The following SMYD3 variants were observed in gnomAD, a reference collection of about 807,000 sequenced individuals.
SMYD3 encodes the protein SET and MYND domain containing 3.
A neutral mutation model predicts 57.7 loss-of-function variants in SMYD3; 36 were observed. That is an observed-to-expected ratio of 0.62 (90% confidence interval 0.48 to 0.82). The LOEUF (loss-of-function observed/expected upper bound fraction) is 0.82, where lower values mean the gene tolerates loss of function less well. SMYD3 is among the 40% of genes least tolerant of loss of function. The pLI is 0.00. For missense variants in SMYD3, 515 were observed against 538.8 expected (o/e 0.96, Z 0.44); for synonymous variants, 211 against 195.0 (o/e 1.08, Z -0.68).
intron 8 of SMYD3, among the ~76,000 whole-genome samples, chr1:245,904,171 G>C (rs1558477786): frequency 6.6e-6 from 1 of 152,166 alleles, no homozygotes. Flanking sequence ...GGTGGGAGGT[G>C]ATTGGATCAT....
rs192153512 is a variant in SMYD3 at position 245,945,975 on chromosome 1, G to A, written c.532-16038C>T. ...GGGGCCTGTCCGGGGATTGAGGGGC[G>A]GAAGAACATCAGCATAAATAGCTAA... On this transcript the variant is annotated intron_variant, in intron 5 of 11. Coordinates refer to ENST00000490107, the MANE Select transcript of SMYD3 (RefSeq NM_001167740.2). Among the ~76,000 whole-genome samples, 431 of 152,228 alleles carry A rather than the reference G, an allele frequency of 2.8e-3. 3 individuals carry two copies. The highest frequency in any genetic ancestry group is 9.8e-3 in the African/African-American group (407 of 41,538).
At chr1:246,429,354 C>T (rs779214478) in intron 1 of SMYD3, among the ~76,000 whole-genome samples, 7 of 152,048 alleles carry the variant, frequency 4.6e-5, no homozygotes. Flanking sequence ...GTAAGACATG[C>T]CATTATTAAA....
chr1:246,256,352 C>T lies in SMYD3; in HGVS notation c.531+70849G>A, dbSNP rs542456038. 2.1e-4 allele frequency among the ~76,000 whole-genome samples: 32 copies of T among 152,308 alleles called. 1 individual carries two copies. The East Asian group carries it at 3.9e-3, about 18-fold the overall frequency. On this transcript the variant is annotated intron_variant, in intron 5 of 11. Transcript: ENST00000490107. ...TCTTTTGGCAACACCCTCACAGACA[C>T]ACCCAGGATTAATGCTTTGTATCCT...
At chr1:246,461,915 C>T (rs1274320220) in intron 1 of SMYD3, among the ~76,000 whole-genome samples, 1 of 152,034 alleles carries the variant, frequency 6.6e-6, no homozygotes, top group Admixed American at 6.6e-5. Flanking sequence ...ATTCTAGAGA[C>T]ATAAAGATGA....
chr1:245,834,791 A>T (rs909848954), intron 10 of SMYD3, among the ~76,000 whole-genome samples: 9 of 152,164 alleles, frequency 5.9e-5, no homozygotes, highest in African/African-American at 2.2e-4. Context: ...TTGGCTATTG[A>T]CAAGGTCTTT....
intron 8 of SMYD3, among the ~76,000 whole-genome samples, chr1:245,885,099 A>G (rs2362260): frequency 1 from 151,662 of 152,040 alleles, 75,644 homozygotes; most frequent in Middle Eastern, 1. Flanking sequence ...ACAACTCTGT[A>G]CACGCCACCT....
At chr1:246,100,847 G>A (rs2060996196) in intron 5 of SMYD3, among the ~76,000 whole-genome samples, 2 of 151,626 alleles carry the variant, frequency 1.3e-5, no homozygotes, top group African/African-American at 2.4e-5. Flanking sequence ...TCTTGTCCAT[G>A]CAGTCTTACC....
chr1:245,988,899 G>T (rs756900454), intron 5 of SMYD3, among the ~76,000 whole-genome samples: 3 of 152,242 alleles, frequency 2.0e-5, no homozygotes, highest in Non-Finnish European at 2.9e-5. Flanking sequence ...ACGCTCAGCA[G>T]CCATTCTGCT....
rs139038781 is a variant in SMYD3, at chr1:245,978,835, G to A, written c.532-48898C>T. On this transcript the variant is annotated intron_variant, in intron 5 of 11. Transcript: ENST00000490107. Reference sequence around the variant, plus strand: ...CCCTTGTTCCCTCCAACACTACGAAGGCAAATTATGGGGCTCAATACTGAG... The same window carrying A: ...CCCTTGTTCCCTCCAACACTACGAAAGCAAATTATGGGGCTCAATACTGAG... Among the ~76,000 whole-genome samples the A allele has an allele frequency of 4.6e-5, 7 of 152,220 alleles. No individual in the cohort carries two copies. In the East Asian group the frequency reaches 1.4e-3, roughly 29 times the overall value.
At chr1:246,363,308 C>G (rs1226974339) in intron 1 of SMYD3, among the ~76,000 whole-genome samples, 1 of 149,732 alleles carries the variant, frequency 6.7e-6, no homozygotes, top group Non-Finnish European at 1.5e-5. Context: ...GGGGGGTCAG[C>G]CCCCCGCCCG....
chr1:246,069,279 CTG>C (rs1443353241), intron 5 of SMYD3, among the ~76,000 whole-genome samples: 21 of 152,290 alleles, frequency 1.4e-4, no homozygotes, highest in African/African-American at 4.6e-4. Flanking sequence ...AGAAAACAAA[CTG>C]AGAATCTGCA....
chr1:246,226,518 G>T (rs1045387422), intron 5 of SMYD3, among the ~76,000 whole-genome samples: 1 of 152,130 alleles, frequency 6.6e-6, no homozygotes, highest in Non-Finnish European at 1.5e-5. Context: ...TTGATTTTTT[G>T]ATGCTGATTA....
intron 10 of SMYD3, among the ~76,000 whole-genome samples, chr1:245,843,829 A>G (rs2050528598): frequency 6.6e-6 from 1 of 152,148 alleles, no homozygotes; most frequent in Admixed American, 6.5e-5. Flanking sequence ...GCTGAGACTA[A>G]AGAAGTTTTG....
intron 1 of SMYD3, among the ~76,000 whole-genome samples, chr1:246,430,931 A>T (rs1277119751): frequency 6.6e-6 from 1 of 152,186 alleles, no homozygotes; most frequent in Non-Finnish European, 1.5e-5. Context: ...AGAGTATGTA[A>T]GAAAAGAGAG....
At chr1:246,321,238 T>C (rs1048793776) in intron 5 of SMYD3, among the ~76,000 whole-genome samples, 2 of 152,208 alleles carry the variant, frequency 1.3e-5, no homozygotes, top group Non-Finnish European at 2.9e-5. Flanking sequence ...CTTGGCTAGA[T>C]GACAGCACAG....
intron 5 of SMYD3, among the ~76,000 whole-genome samples, chr1:245,968,717 T>C (rs1375541484): frequency 6.6e-6 from 1 of 152,192 alleles, no homozygotes; most frequent in Non-Finnish European, 1.5e-5. Context: ...ATGGACACAA[T>C]GGTACCTGTG....
At chr1:246,398,316 C>T (rs902380292) in intron 1 of SMYD3, among the ~76,000 whole-genome samples, 3 of 152,326 alleles carry the variant, frequency 2.0e-5, no homozygotes, top group East Asian at 1.9e-4. Context: ...CAAGGTTAAA[C>T]GACACACTCA....
intron 5 of SMYD3, among the ~76,000 whole-genome samples, chr1:245,949,502 G>C (rs779503446): frequency 6.6e-6 from 1 of 152,154 alleles, no homozygotes; most frequent in African/African-American, 2.4e-5. Context: ...TGCGCACCCA[G>C]AACCAAAACC....
intron 11 of SMYD3, among the ~76,000 whole-genome samples, chr1:245,750,002 G>C (rs2045271576): frequency 6.6e-6 from 1 of 152,166 alleles, no homozygotes; most frequent in African/African-American, 2.4e-5. Flanking sequence ...GAAAGACCAT[G>C]CTGCTACCAC....
Sources: gnomAD v4.1 joint callset for allele counts (sites outside exome capture counted in the v4.1 genomes callset) on GRCh38, gnomAD v4.1.1 for gene constraint, MANE v1.5 for transcripts, NCBI Gene and HGNC (gene_info 2026-07-23, HGNC 2026-07-21) for gene names.